KIAA1217: variants seen among roughly 807,000 people sequenced by gnomAD.
KIAA1217 encodes the protein sickle tail protein homolog.
Under a neutral mutation model 163.9 loss-of-function variants are expected in KIAA1217, and 88 were observed. The observed-to-expected ratio is 0.54, with a 90% CI of 0.45 to 0.64. The LOEUF is 0.64. Among genes scored for constraint, KIAA1217 ranks in the 30% least tolerant of loss-of-function variants. The probability of loss-of-function intolerance (pLI) is 0.00; values close to 1 mark genes in which losing one functional copy is unlikely to be tolerated. For missense variants in KIAA1217, 2,372 were observed against 2,475.0 expected (o/e 0.96, Z 0.88); for synonymous variants, 903 against 923.1 (o/e 0.98, Z 0.39).
chr10:24,441,807 G>C (rs1025917689), intron 5 of KIAA1217, among the ~76,000 whole-genome samples: 5 of 152,082 alleles, frequency 3.3e-5, no homozygotes, highest in African/African-American at 4.8e-5. Context: ...TGTACTCACA[G>C]GGTTTTAAAT....
At position 23,834,321 on chromosome 10, in the gene KIAA1217, T is replaced by G. The variant is rs776773813; in HGVS notation, c.-321+139087T>G. On this transcript the variant is annotated intron_variant, in intron 1 of 18. Coordinates refer to the KIAA1217 transcript ENST00000376462. ...ACAAAGCTTTTCCTCCATGTATGCA[T>G]GCATGCTTACTTTCTTATCAGCCAA... is the stretch of plus-strand genomic sequence containing the variant. Among the ~76,000 whole-genome samples, 39 of 152,210 alleles carry G rather than the reference T, an allele frequency of 2.6e-4. 1 individual carries two copies. Among genetic ancestry groups the G allele is most frequent in the Non-Finnish European group, 4.3e-4 (29 of 68,038 alleles).
intron 2 of KIAA1217, among the ~76,000 whole-genome samples, chr10:24,260,160 A>G (rs925426693): frequency 1.3e-5 from 2 of 152,184 alleles, no homozygotes; most frequent in African/African-American, 4.8e-5. Flanking sequence ...TTGTAGAGTC[A>G]TAAGCTTGGA....
chr10:24,118,104 C>T (rs2063129951), intron 2 of KIAA1217, among the ~76,000 whole-genome samples: 1 of 150,976 alleles, frequency 6.6e-6, no homozygotes, highest in South Asian at 2.1e-4. Flanking sequence ...CGTGAATTTA[C>T]CTCTATAACA....
intron 1 of KIAA1217, among the ~76,000 whole-genome samples, chr10:23,906,899 T>A (rs1842185412): frequency 6.6e-6 from 1 of 152,152 alleles, no homozygotes; most frequent in South Asian, 2.1e-4. Context: ...ACATACCTTT[T>A]TTGAGAATGC....
At chr10:24,036,252 C>T (rs1383741824) in intron 2 of KIAA1217, among the ~76,000 whole-genome samples, 4 of 152,166 alleles carry the variant, frequency 2.6e-5, no homozygotes, top group African/African-American at 4.8e-5. Flanking sequence ...ATTTGGAATA[C>T]GGTAGTGTTC....
chr10:24,263,202 A>T (rs999140748), intron 2 of KIAA1217, among the ~76,000 whole-genome samples: 2 of 152,200 alleles, frequency 1.3e-5, no homozygotes, highest in Admixed American at 6.5e-5. Flanking sequence ...ATACTCACGG[A>T]AGATTAGCAA....
intron 2 of KIAA1217, among the ~76,000 whole-genome samples, chr10:24,049,088 A>G (rs1280316088): frequency 6.6e-6 from 1 of 151,968 alleles, no homozygotes; most frequent in Admixed American, 6.6e-5. Flanking sequence ...GAAGTAATAA[A>G]TATAAGTAAT....
In KIAA1217 at chr10:24,543,538, C is replaced by A. The variant is rs61734877; in HGVS notation, c.4268C>A (p.Thr1423Asn). 2.3e-4 allele frequency: 378 copies of A among 1,613,954 alleles called. No individual in the cohort carries two copies. The highest frequency in any genetic ancestry group is 2.9e-4 in the Non-Finnish European group (342 of 1,179,958). ...AATATCGATGCCAGAAAAGAGATGA[C>A]CCCCCGACAAGAAGGGACTGACAAT... ...TVNIDARKEM[T>N]PRQEGTDNED... Residue 1423 changes from threonine (T) to asparagine (N), a missense_variant, in exon 19 of 21, where the codon ACC becomes AAC. Physicochemically the swap from Thr to Asn is moderately conservative, Grantham distance 65. Transcript: ENST00000376454.
intron 2 of KIAA1217, among the ~76,000 whole-genome samples, chr10:24,187,089 T>C (rs935957898): frequency 3.9e-5 from 6 of 152,134 alleles, no homozygotes; most frequent in African/African-American, 1.4e-4. Flanking sequence ...AGACTCTCCG[T>C]ACAGCCCTGG....
At position 24,382,967 on chromosome 10, in the gene KIAA1217, C is replaced by T. The variant is rs549327869; in HGVS notation, c.553+1900C>T. On this transcript the variant is annotated intron_variant, in intron 3 of 20. Transcript: ENST00000376454. ...CGTTCAAGGGATCCTCCCATCTCAG[C>T]CTTCAGAGTAGATGGGACTACAGGC... Among the ~76,000 whole-genome samples the T allele has an allele frequency of 3.3e-5, 5 of 151,474 alleles. No homozygotes were observed. The East Asian group carries it at 9.8e-4, about 30-fold the overall frequency.
chr10:24,004,525 A>AT (rs1487407306), intron 1 of KIAA1217, among the ~76,000 whole-genome samples: 1 of 152,188 alleles, frequency 6.6e-6, no homozygotes, highest in African/African-American at 2.4e-5. Context: ...TACCTCCCCA[A>AT]TTAGTCTGAA....
intron 2 of KIAA1217, among the ~76,000 whole-genome samples, chr10:24,325,799 A>G (rs1368053519): frequency 1.3e-5 from 2 of 152,202 alleles, no homozygotes; most frequent in African/African-American, 4.8e-5. Flanking sequence ...CAGAGGGGCA[A>G]TAAGGGGAAG....
chr10:24,209,358 A>AT, intron 1 of KIAA1217, 95 bp downstream of exon 1: 2 of 772,772 alleles, frequency 2.6e-6, no homozygotes, highest in South Asian at 1.7e-5. Flanking sequence ...GACCCGGCAA[A>AT]GGAAAAAAAA....
chr10:24,079,119 T>G (rs772465997), intron 2 of KIAA1217, among the ~76,000 whole-genome samples: 9 of 152,240 alleles, frequency 5.9e-5, no homozygotes, highest in African/African-American at 2.4e-5. Context: ...TTAACGCACT[T>G]CACCCTCCAT....
intron 1 of KIAA1217, among the ~76,000 whole-genome samples, chr10:23,744,789 A>C (rs12357154): frequency 0.29 from 44,424 of 152,008 alleles, 7,254 homozygotes; most frequent in African/African-American, 0.44. Context: ...GAAGGTACAT[A>C]TTCCTGTGAT....
chr10:24,250,803 G>T lies in KIAA1217; in HGVS notation c.354+30894G>T, dbSNP rs2131504032. Among the ~76,000 whole-genome samples, 4 of 149,296 alleles carry T rather than the reference G, an allele frequency of 2.7e-5. No individual in the cohort carries two copies. The South Asian group carries it at 8.8e-4, about 33-fold the overall frequency. ...ATTGATGCAAGCCAGAATAAGAATA[G>T]ATTGGGCCGGGTGCAGTGGCTCACA... On this transcript the variant is annotated intron_variant, in intron 2 of 20. Transcript: ENST00000376454.
intron 2 of KIAA1217, among the ~76,000 whole-genome samples, chr10:24,314,362 A>G (rs1185540750): frequency 6.6e-6 from 1 of 152,156 alleles, no homozygotes; most frequent in African/African-American, 2.4e-5. Flanking sequence ...GAGAAGGACC[A>G]TTTCTCAGAA....
intron 2 of KIAA1217, among the ~76,000 whole-genome samples, chr10:24,241,177 T>C (rs1035137041): frequency 6.6e-6 from 1 of 152,116 alleles, no homozygotes; most frequent in South Asian, 2.1e-4. Flanking sequence ...ACTTTACAGA[T>C]GCAGAAACTG....
At chr10:24,370,869 C>T (rs1419889461) in intron 2 of KIAA1217, among the ~76,000 whole-genome samples, 3 of 152,198 alleles carry the variant, frequency 2.0e-5, no homozygotes, top group African/African-American at 7.2e-5. Context: ...TAAGCCACCA[C>T]ACCTAGTCCA....
Sources: gnomAD v4.1 joint callset for allele counts (sites outside exome capture counted in the v4.1 genomes callset) on GRCh38, gnomAD v4.1.1 for gene constraint, MANE v1.5 for transcripts, NCBI Gene and HGNC (gene_info 2026-07-23, HGNC 2026-07-21) for gene names.